ASPG: variants seen among roughly 807,000 people sequenced by gnomAD.
The protein encoded by ASPG is asparaginase.
In ASPG, 53 loss-of-function variants were observed where a neutral mutation model predicts 63.2. That is an observed-to-expected ratio of 0.84 (90% CI 0.67 to 1.05). ASPG has a LOEUF of 1.05. Ranked by LOEUF, ASPG falls within the 50% of genes least tolerant of loss-of-function variation. ASPG has a pLI of 0.00. For missense variants in ASPG, 741 were observed against 794.4 expected, an observed-to-expected ratio of 0.93 and a Z score of 0.81; for synonymous variants, 370 against 355.0, an observed-to-expected ratio of 1.04 and a Z score of -0.48.
chr14:104,108,341 G>T, intron 12 of ASPG: 2 of 926,572 alleles, frequency 2.2e-6, no homozygotes, highest in Non-Finnish European at 2.6e-6. Context: ...GGTGTGGGTG[G>T]GTGGCGCGGA....
chr14:104,097,715 C>A, intron 5 of ASPG, 78 bp downstream of exon 5: 1 of 1,363,064 alleles, frequency 7.3e-7, no homozygotes, highest in Non-Finnish European at 1.0e-6. Flanking sequence ...AAACAAAGTC[C>A]CCCCAGCCCC....
chr14:104,103,359 C>T (rs952934661), intron 6 of ASPG, among the ~76,000 whole-genome samples: 5 of 152,258 alleles, frequency 3.3e-5, no homozygotes, highest in East Asian at 1.9e-4. Flanking sequence ...GTGCACGCTG[C>T]GGAGCCTGGC....
rs1214777012 is a variant in ASPG, at chr14:104,098,970, G to A, written c.631G>A (p.Asp211Asn). ...NLLPLATVGA[D>N]ITINRELVRK... ...GCTGCCTCTGGCCACAGTGGGTGCTGACATCACAAGTAAGCCCCGCAGGAG... is the reference window on the plus strand; with the variant it reads ...GCTGCCTCTGGCCACAGTGGGTGCTAACATCACAAGTAAGCCCCGCAGGAG... The change falls in exon 6 of 16, where the codon GAC becomes AAC. Residue 211 changes from aspartate to asparagine, a missense_variant. Transcript: ENST00000551177. 1 of 1,592,594 alleles carries A rather than the reference G, an allele frequency of 6.3e-7. No individual in the cohort carries two copies. Among genetic ancestry groups the A allele is most frequent in the East Asian group, 2.3e-5 (1 of 44,028 alleles).
rs1462954608 is a variant in ASPG, at chr14:104,093,690, T to C, written c.303+88T>C. 5.9e-6 allele frequency: 5 copies of C among 841,632 alleles called. No individual in the cohort carries two copies. In the African/African-American group the frequency reaches 1.2e-4, roughly 20 times the overall value. The allele number at this position is 841,632 out of a possible 1,614,324, so 52.1% of individuals were successfully genotyped here. On this transcript the variant is annotated intron_variant, in intron 3 of 15. Transcript: ENST00000551177. ...TGGGGCTGTGGTGTGTGGGTGGGGCTGTGGAGAGTGGGCAGGGCTGTTGGG... is the reference window on the plus strand; with the variant it reads ...TGGGGCTGTGGTGTGTGGGTGGGGCCGTGGAGAGTGGGCAGGGCTGTTGGG...
At chr14:104,105,913 G>T (rs1178009666) in intron 10 of ASPG, among the ~76,000 whole-genome samples, 3 of 152,260 alleles carry the variant, frequency 2.0e-5, no homozygotes, top group Non-Finnish European at 1.5e-5. Context: ...GGGGTCTGCA[G>T]GGGGATGGGG....
At chr14:104,094,837 C>A (rs939405753) in intron 3 of ASPG, among the ~76,000 whole-genome samples, 1 of 152,204 alleles carries the variant, frequency 6.6e-6, no homozygotes, top group Non-Finnish European at 1.5e-5. Context: ...CAGAGGGCGC[C>A]CTTCCCCTCC....
intron 1 of ASPG, among the ~76,000 whole-genome samples, chr14:104,089,751 C>G (rs901806528): frequency 1.3e-5 from 2 of 152,064 alleles, no homozygotes; most frequent in Non-Finnish European, 1.5e-5. Context: ...GGGTGGTTCA[C>G]TTGCCTTGCT....
intron 10 of ASPG, 37 bp downstream of exon 10, chr14:104,105,487 G>A: frequency 3.3e-6 from 5 of 1,515,838 alleles, no homozygotes; most frequent in Non-Finnish European, 4.4e-6. Context: ...TGGCAGCTGG[G>A]GACTGTGCAC....
chr14:104,106,890 A>G lies in ASPG; in HGVS notation c.1265A>G (p.Glu422Gly). The change falls in exon 11 of 16, where the codon GAG (glutamate) becomes GGG (glycine). Residue 422 changes from glutamate (E) to glycine (G), a missense_variant. Coordinates refer to ENST00000551177, the MANE Select transcript of ASPG (RefSeq NM_001080464.3). ...GDVEALQALV[E>G]LGSDLGLVDF... The stretch of plus-strand genomic sequence containing the variant: ...GTGGAGGCGCTGCAGGCGCTTGTGG[A>G]GCTGGTGAGCCTCCCCCACCCTGGG... 1 of 1,573,314 alleles carries G rather than the reference A, an allele frequency of 6.4e-7. No individual in the cohort carries two copies. Among genetic ancestry groups the G allele is most frequent in the Non-Finnish European group, 8.6e-7 (1 of 1,162,936 alleles).
intron 6 of ASPG, among the ~76,000 whole-genome samples, chr14:104,099,724 C>A (rs1327974048): frequency 6.6e-6 from 1 of 152,220 alleles, no homozygotes; most frequent in African/African-American, 2.4e-5. Context: ...CGGGAGCATC[C>A]CCTCCCTCCT....
At position 104,105,245 on chromosome 14, in the gene ASPG, CCCGGGTAGCCCGACCCT is replaced by C. The variant is rs1050976528; in HGVS notation, c.1051-80_1051-64del. ...AGGCCAAGGGCAACCCCTGACTGTGCCCGGGTAGCCCGACCCTCCAGGCTGTCCTGGGCTGCCCATCC... is the reference window on the plus strand; with the variant it reads ...AGGCCAAGGGCAACCCCTGACTGTGCCCAGGCTGTCCTGGGCTGCCCATCC... On this transcript the variant is annotated intron_variant, in intron 9 of 15. Coordinates refer to ENST00000551177, the MANE Select transcript of ASPG (RefSeq NM_001080464.3). 17 of 1,603,836 alleles carry C rather than the reference CCCGGGTAGCCCGACCCT, an allele frequency of 1.1e-5. No individual in the cohort carries two copies. In the African/African-American group the frequency reaches 2.1e-4, roughly 20 times the overall value.
At chr14:104,086,838 A>T (rs1362493122) in intron 1 of ASPG, among the ~76,000 whole-genome samples, 1 of 151,892 alleles carries the variant, frequency 6.6e-6, no homozygotes, top group African/African-American at 2.4e-5. Context: ...GCTTGTGTCC[A>T]GCGCAGCTCT....
Position 104,112,566 on chromosome 14 carries a change from T to C in ASPG, c.*22T>C, listed in dbSNP as rs1329089481. The C allele has an allele frequency of 1.2e-6, 2 of 1,609,312 alleles. No homozygotes were observed. The highest frequency in any genetic ancestry group is 1.7e-6 in the Non-Finnish European group (2 of 1,178,026). ...CTAACCTGAAGGCGTCCTGCTGCAG[T>C]ATAAGCCATTCCTTCCTCCCATGAC... On this transcript the variant is annotated 3_prime_UTR_variant, in exon 16 of 16. Coordinates refer to ENST00000551177, the MANE Select transcript of ASPG (RefSeq NM_001080464.3).
Position 104,093,496 on chromosome 14 carries a change from C to A in ASPG, c.197C>A (p.Ala66Asp), listed in dbSNP as rs61745802. The change falls in exon 3 of 16, where the codon GCC becomes GAC. Residue 66 changes from alanine (A) to aspartate (D), a missense_variant. By Grantham distance (126) the Ala-to-Asp change is moderately radical (BLOSUM62 -2). Transcript: ENST00000551177. Reference sequence around the variant, plus strand: ...CTGCTGTTTCTGTCCCGCAGCCCGGCCAGCCGCAACCAGAGGATTCTCTAC... The same window carrying A: ...CTGCTGTTTCTGTCCCGCAGCCCGGACAGCCGCAACCAGAGGATTCTCTAC... ...LSEDTLVLPP[A>D]SRNQRILYTV... 0.015 allele frequency: 23,354 copies of A among 1,610,338 alleles called. 254 individuals are homozygous for A. Among genetic ancestry groups the A allele is most frequent in the Middle Eastern group, 0.027 (163 of 6,052 alleles).
At chr14:104,107,139 C>T in intron 11 of ASPG, 43 bp from the exon 12 acceptor site, 1 of 1,526,252 alleles carries the variant, frequency 6.6e-7, no homozygotes, top group South Asian at 1.3e-5. Context: ...CCTGGCCCCG[C>T]CTGGGTCTCC....
intron 2 of ASPG, chr14:104,093,073 A>G: frequency 2.1e-6 from 1 of 474,628 alleles, no homozygotes; most frequent in Non-Finnish European, 3.8e-6. Flanking sequence ...CCCCCAGCAT[A>G]GAGGTCCTTC....
At chr14:104,095,057 C>T (rs892566184) in intron 3 of ASPG, among the ~76,000 whole-genome samples, 3 of 152,204 alleles carry the variant, frequency 2.0e-5, no homozygotes, top group East Asian at 1.9e-4. Flanking sequence ...CCTGCCCGGC[C>T]GCCCAGGTCC....
rs149520051 is a variant in ASPG, at chr14:104,098,114, G to A, written c.513+477G>A. Among the ~76,000 whole-genome samples the A allele has an allele frequency of 3.8e-3, 490 of 129,006 alleles. 64 individuals are homozygous for A. The highest frequency in any genetic ancestry group is 6.8e-3 in the Non-Finnish European group (393 of 57,898). The allele number at this position is 129,006 out of a possible 152,430, so 84.6% of individuals were successfully genotyped here. On this transcript the variant is annotated intron_variant, in intron 5 of 15. Coordinates refer to ENST00000551177, the MANE Select transcript of ASPG (RefSeq NM_001080464.3). ...TATGGAGGTTCTGCGTTAGAGATGC[G>A]TATGGAGGTTCTCCGTTAGAGATAC...
At chr14:104,090,952 G>A (rs1596063624) in intron 1 of ASPG, among the ~76,000 whole-genome samples, 1 of 152,042 alleles carries the variant, frequency 6.6e-6, no homozygotes, top group Non-Finnish European at 1.5e-5. Flanking sequence ...TGCAACCTCC[G>A]CCTGCCAGAT....
Sources: gnomAD v4.1 joint callset for allele counts (sites outside exome capture counted in the v4.1 genomes callset) on GRCh38, gnomAD v4.1.1 for gene constraint, MANE v1.5 for transcripts, NCBI Gene and HGNC (gene_info 2026-07-23, HGNC 2026-07-21) for gene names.